The following CEP83 variants were observed in gnomAD, a reference collection of about 807,000 sequenced individuals.
CEP83 encodes centrosomal protein 83, also known as centrosomal protein of 83 kDa.
In CEP83, 70 loss-of-function variants were observed where a neutral mutation model predicts 101.9. The observed-to-expected ratio is 0.69, with a 90% confidence interval of 0.57 to 0.84. The LOEUF is 0.84. CEP83 is among the 40% of genes least tolerant of loss of function. CEP83 has a pLI of 0.00. For synonymous variants in CEP83, 264 were observed against 267.9 expected (o/e 0.99, Z 0.14); for missense variants, 715 against 787.2 (o/e 0.91, Z 1.10).
At chr12:94,398,700 T>C (rs771476784) in intron 6 of CEP83, among the ~76,000 whole-genome samples, 5 of 152,146 alleles carry the variant, frequency 3.3e-5, no homozygotes, top group Admixed American at 6.5e-5. Flanking sequence ...TCAGACAAAA[T>C]AGAGCCATAT....
the CEP83 span, among the ~76,000 whole-genome samples, chr12:94,270,262 T>C: frequency 6.6e-6 from 1 of 152,262 alleles, no homozygotes; most frequent in Non-Finnish European, 1.5e-5. Flanking sequence ...GTGGCCCCTC[T>C]GCCTATTTTT....
chr12:94,302,875 TTAA>T (rs2136234019), downstream of CEP83, among the ~76,000 whole-genome samples: 1 of 152,342 alleles, frequency 6.6e-6, no homozygotes, highest in East Asian at 1.9e-4. Context: ...GCTCCAGTGC[TTAA>T]TAATGTTTAT....
intron 2 of CEP83, among the ~76,000 whole-genome samples, chr12:94,432,482 A>G (rs897180074): frequency 5.3e-5 from 8 of 152,160 alleles, no homozygotes; most frequent in Admixed American, 1.3e-4. Flanking sequence ...ACAATAAGTG[A>G]AATAAGCCAG....
At chr12:94,354,185 ATTC>A (rs1026026957) in intron 11 of CEP83, among the ~76,000 whole-genome samples, 13 of 151,808 alleles carry the variant, frequency 8.6e-5, no homozygotes, top group East Asian at 3.9e-4. Flanking sequence ...CAGAGTACTC[ATTC>A]TTCTTCTTCT....
chr12:94,414,951 A>G (rs1416738018), intron 2 of CEP83, among the ~76,000 whole-genome samples: 2 of 152,176 alleles, frequency 1.3e-5, no homozygotes, highest in Non-Finnish European at 2.9e-5. Context: ...AAGAGTTAAA[A>G]TTCTAGTTAA....
intron 1 of CEP83, among the ~76,000 whole-genome samples, chr12:94,448,817 T>C (rs961089644): frequency 6.6e-4 from 100 of 152,148 alleles, no homozygotes; most frequent in African/African-American, 2.4e-3. Context: ...TAAACATTTA[T>C]ATGAGAAAAG....
At chr12:94,368,316 C>G in intron 9 of CEP83, 115 bp from the exon 10 acceptor site, 1 of 704,322 alleles carries the variant, frequency 1.4e-6, no homozygotes, top group Non-Finnish European at 2.3e-6. Context: ...AAAGTCTCTA[C>G]AAATATATAT....
intron 11 of CEP83, among the ~76,000 whole-genome samples, chr12:94,355,966 T>C (rs1337666705): frequency 6.6e-6 from 1 of 152,218 alleles, no homozygotes; most frequent in Non-Finnish European, 1.5e-5. Context: ...CTCTGAAGGC[T>C]GTGAGACCCC....
At chr12:94,275,493 T>A in the CEP83 span, among the ~76,000 whole-genome samples, 2 of 152,162 alleles carry the variant, frequency 1.3e-5, no homozygotes, top group African/African-American at 4.8e-5. Flanking sequence ...GCGTGCACTT[T>A]CCCAGCCTGG....
At chr12:94,271,774 T>A in the CEP83 span, among the ~76,000 whole-genome samples, 2 of 152,338 alleles carry the variant, frequency 1.3e-5, no homozygotes, top group Non-Finnish European at 2.9e-5. Flanking sequence ...TGAGGTGTGC[T>A]TTTCTCTTGT....
At chr12:94,445,096 T>C (rs919006437) in intron 1 of CEP83, among the ~76,000 whole-genome samples, 113 of 151,770 alleles carry the variant, frequency 7.4e-4, no homozygotes, top group African/African-American at 2.6e-3. Context: ...TAAAGTGCCA[T>C]AGAAATGAAA....
At chr12:94,341,690 T>C (rs1480717571) in intron 11 of CEP83, among the ~76,000 whole-genome samples, 4 of 152,164 alleles carry the variant, frequency 2.6e-5, no homozygotes, top group African/African-American at 9.7e-5. Context: ...AAATTATCAA[T>C]GTGACTAACA....
intron 11 of CEP83, among the ~76,000 whole-genome samples, chr12:94,360,232 C>A (rs556925417): frequency 2.6e-5 from 4 of 151,958 alleles, no homozygotes; most frequent in Non-Finnish European, 1.5e-5. Context: ...AGGATGTTCA[C>A]CCTTGTCAAT....
chr12:94,331,303 A>AAAAAAAAAAAAG (rs2059199092), intron 14 of CEP83, among the ~76,000 whole-genome samples: 3 of 124,406 alleles, frequency 2.4e-5, no homozygotes, highest in African/African-American at 1.0e-4. Context: ...AAAAAAAAAA[A>AAAAAAAAAAAAG]AAAAAAAAAA....
intron 6 of CEP83, among the ~76,000 whole-genome samples, chr12:94,392,735 A>T (rs1397995632): frequency 4.6e-5 from 7 of 151,990 alleles, no homozygotes; most frequent in Non-Finnish European, 5.9e-5. Flanking sequence ...AAAATTGATA[A>T]ACTGCTAGCA....
At chr12:94,412,668 T>A in intron 2 of CEP83, 77 bp from the exon 3 acceptor site, 1 of 481,524 alleles carries the variant, frequency 2.1e-6, no homozygotes, top group Non-Finnish European at 3.6e-6. Flanking sequence ...CATATTTTTA[T>A]CACTTTTATT....
intron 1 of CEP83, among the ~76,000 whole-genome samples, chr12:94,452,164 AG>A (rs1275420768): frequency 6.6e-6 from 1 of 152,200 alleles, no homozygotes; most frequent in Non-Finnish European, 1.5e-5. Context: ...AAAGTAGATC[AG>A]TGGTTCTCTG....
At chr12:94,340,115 G>A (rs1256799191) in intron 11 of CEP83, among the ~76,000 whole-genome samples, 3 of 152,120 alleles carry the variant, frequency 2.0e-5, no homozygotes, top group East Asian at 1.9e-4. Context: ...AAATGTAAAC[G>A]TTCATTAAAA....
At position 94,424,412 on chromosome 12, in the gene CEP83, T is replaced by C. The variant is rs1028739223; in HGVS notation, c.-102+10863A>G. On this transcript the variant is annotated intron_variant, in intron 2 of 16. Coordinates refer to ENST00000397809, the MANE Select transcript of CEP83 (RefSeq NM_016122.3). ...GTGGGTGATGATGGCTTCACACTTC[T>C]CTGTGGACTCCATCCTTGCAAAGCC... 8 of 1,613,910 alleles carry C rather than the reference T, an allele frequency of 5.0e-6. No homozygotes were observed. The African/African-American group carries it at 9.3e-5, about 19-fold the overall frequency.
Sources: allele counts gnomAD v4.1 joint callset (sites outside exome capture counted in the v4.1 genomes callset), GRCh38; gene constraint gnomAD v4.1.1; transcripts MANE v1.5; gene names NCBI Gene and HGNC (gene_info 2026-07-23, HGNC 2026-07-21).